Variants in B9D1 observed in about 807,000 individuals in gnomAD.
B9D1 encodes B9 domain-containing protein 1.
Under a neutral mutation model 26.1 loss-of-function variants are expected in B9D1, and 20 were observed. The observed-to-expected ratio is 0.77, with a 90% confidence interval of 0.54 to 1.12. The LOEUF is 1.12. B9D1 is among the 50% of genes most tolerant of loss of function. The probability of loss-of-function intolerance (pLI) is 0.00; values close to 1 mark genes in which losing one functional copy is unlikely to be tolerated. For missense variants in B9D1, 260 were observed against 273.7 expected (o/e 0.95, Z 0.35); for synonymous variants, 105 against 103.1 (o/e 1.02, Z -0.11).
At chr17:19,365,761 C>T (rs1258191288), upstream of B9D1, among the ~76,000 whole-genome samples, 2 of 152,148 alleles carry the variant, frequency 1.3e-5, no homozygotes, top group East Asian at 1.9e-4. The surrounding 1 kb of genome is among the most constrained non-coding windows in gnomAD (Gnocchi z 5.0). Flanking sequence ...CTCTCGGAGC[C>T]TCGGTTTCCT....
upstream of B9D1, among the ~76,000 whole-genome samples, chr17:19,363,382 G>C (rs1205199180): frequency 6.6e-6 from 1 of 152,236 alleles, no homozygotes; most frequent in African/African-American, 2.4e-5. Context: ...AATCTGTCAA[G>C]ATACAGTCTT....
intron 1 of B9D1, among the ~76,000 whole-genome samples, chr17:19,361,316 T>TTCCACAAAACCAGTCCCTGGTGC (rs1211022699): frequency 6.6e-6 from 1 of 152,160 alleles, no homozygotes; most frequent in Non-Finnish European, 1.5e-5. Flanking sequence ...CCACCTGGTT[T>TTCCACAAAACCAGTCCCTGGTGC]TCCACAAAAC....
chr17:19,355,120 GTAGA>G (rs1910155218), intron 3 of B9D1, among the ~76,000 whole-genome samples: 1 of 152,066 alleles, frequency 6.6e-6, no homozygotes, highest in Admixed American at 6.6e-5. Context: ...GGGTTTCACT[GTAGA>G]TATTTTCCTT....
Position 19,362,497 on chromosome 17 carries a change from G to C in B9D1, c.63+10C>G. On this transcript the variant is annotated intron_variant, in intron 1 of 6. Transcript: ENST00000261499. ...GGGGGCGGGCCCCGGCGGGGTCCAC[G>C]GCCGCTCACCTGGGCGCTCTCCACC... 6.4e-7 allele frequency: 1 copy of C among 1,557,060 alleles called. No individual in the cohort carries two copies. Among genetic ancestry groups the C allele is most frequent in the Non-Finnish European group, 8.7e-7 (1 of 1,150,040 alleles).
At chr17:19,373,148 A>C (rs1598104369) in intron 1 of B9D1, among the ~76,000 whole-genome samples, 1 of 152,282 alleles carries the variant, frequency 6.6e-6, no homozygotes, top group Middle Eastern at 3.4e-3. Context: ...GACTGACAAA[A>C]AGGGATGCCC....
chr17:19,344,513 A>G (rs1908464437), intron 5 of B9D1: 1 of 278,766 alleles, frequency 3.6e-6, no homozygotes, highest in Non-Finnish European at 7.5e-6. Flanking sequence ...CCCGCCGCCG[A>G]CACACCCACG....
At chr17:19,353,484 A>C (rs568491764) in intron 3 of B9D1, among the ~76,000 whole-genome samples, 207 of 151,542 alleles carry the variant, frequency 1.4e-3, no homozygotes, top group Non-Finnish European at 2.4e-3. Context: ...TAAAAACACA[A>C]AAAAAATCAG....
downstream of B9D1, among the ~76,000 whole-genome samples, chr17:19,340,033 A>ACCCCC (rs56279237): frequency 5.4e-5 from 6 of 110,570 alleles, no homozygotes; most frequent in East Asian, 1.0e-3. Context: ...CACATGCCCA[A>ACCCCC]CCCCCCCCCC....
chr17:19,349,569 A>G (rs955149929), intron 3 of B9D1, among the ~76,000 whole-genome samples: 6 of 151,696 alleles, frequency 4.0e-5, no homozygotes, highest in African/African-American at 1.5e-4. Flanking sequence ...TTTTGTAGAG[A>G]TGGGGTCTCA....
Position 19,348,501 on chromosome 17 carries a change from G to A in B9D1, c.245-621C>T, listed in dbSNP as rs566873224. ...TGACAGGCTCTGATCCTGCAGCCAC[G>A]ACTGAGGCAAGTTAGCCAACCTCTC... On this transcript the variant is annotated intron_variant, in intron 3 of 6. Transcript: ENST00000261499. 1.3e-3 allele frequency among the ~76,000 whole-genome samples: 198 copies of A among 152,282 alleles called. 1 individual carries two copies. Among genetic ancestry groups the A allele is most frequent in the Non-Finnish European group, 2.1e-3 (145 of 68,030 alleles).
chr17:19,362,298 G>A (rs1260175584), intron 1 of B9D1, among the ~76,000 whole-genome samples: 1 of 152,192 alleles, frequency 6.6e-6, no homozygotes, highest in Non-Finnish European at 1.5e-5. Flanking sequence ...TCAACATCTC[G>A]AGGTCTGCTT....
intron 1 of B9D1, among the ~76,000 whole-genome samples, chr17:19,374,714 CT>C (rs1022055191): frequency 2.7e-5 from 4 of 150,780 alleles, no homozygotes; most frequent in African/African-American, 4.9e-5. Context: ...AAAATGAGTG[CT>C]TTTTTTTTAG....
chr17:19,352,351 C>T (rs1012407223), intron 3 of B9D1, among the ~76,000 whole-genome samples: 2 of 145,982 alleles, frequency 1.4e-5, no homozygotes, highest in Non-Finnish European at 3.0e-5. Context: ...TTACTAATTT[C>T]TTTTTTTTTT....
intron 1 of B9D1, among the ~76,000 whole-genome samples, chr17:19,376,259 G>A (rs1472221619): frequency 6.6e-6 from 1 of 152,134 alleles, no homozygotes; most frequent in African/African-American, 2.4e-5. Context: ...AATAAAATTA[G>A]AAGGCCCTTT....
Position 19,347,225 on chromosome 17 carries a change from T to A in B9D1, c.404+44A>T. On this transcript the variant is annotated intron_variant, in intron 5 of 6. Coordinates refer to ENST00000261499, the MANE Select transcript of B9D1 (RefSeq NM_015681.6). The surrounding 1 kb of genome is among the most constrained non-coding windows in gnomAD (Gnocchi z 4.3). ...AGGGGTAGAATGGGACATCCATTCATCCAGTAGATCAGGAGGGGCTGGGGT... is the reference window on the plus strand; with the variant it reads ...AGGGGTAGAATGGGACATCCATTCAACCAGTAGATCAGGAGGGGCTGGGGT... 1.9e-6 allele frequency: 3 copies of A among 1,614,098 alleles called. 1 individual carries two copies. The East Asian group carries it at 6.7e-5, about 36-fold the overall frequency.
chr17:19,348,062 C>T (rs1909097462), intron 3 of B9D1, among the ~76,000 whole-genome samples, 182 bp from the exon 4 acceptor site: 1 of 152,182 alleles, frequency 6.6e-6, no homozygotes. Context: ...CTTCTGCCCA[C>T]CCTGGTACTT....
intron 1 of B9D1, among the ~76,000 whole-genome samples, chr17:19,367,951 C>T (rs1158095655): frequency 6.6e-6 from 1 of 152,186 alleles, no homozygotes; most frequent in Non-Finnish European, 1.5e-5. Flanking sequence ...TGAGTGAATG[C>T]ATGAGTGGAG....
At chr17:19,364,325 G>A (rs1911459345), upstream of B9D1, 1 of 152,216 alleles carries the variant, frequency 6.6e-6, no homozygotes, top group Admixed American at 6.5e-5. The surrounding 1 kb of genome is among the most constrained non-coding windows in gnomAD (Gnocchi z 4.3). Context: ...GATAGGATGG[G>A]AGGGTGACCA....
chr17:19,343,876 A>G lies in B9D1; in HGVS notation c.405-19T>C, dbSNP rs1053958238. The G allele has an allele frequency of 1.2e-6, 2 of 1,613,558 alleles. No individual in the cohort carries two copies. The highest frequency in any genetic ancestry group is 2.2e-5 in the East Asian group (1 of 44,882). On this transcript the variant is annotated intron_variant, in intron 5 of 6. Transcript: ENST00000261499. The stretch of plus-strand genomic sequence containing the variant: ...GAACCAGCTGGGAACACAGAAGAAC[A>G]CAGGTGAGCAGGGCCCCACCTGGGC...
Sources: gnomAD v4.1 joint callset for allele counts (sites outside exome capture counted in the v4.1 genomes callset) on GRCh38, gnomAD v4.1.1 for gene constraint, Gnocchi (gnomAD v3.1) non-coding constraint, MANE v1.5 for transcripts, NCBI Gene and HGNC (gene_info 2026-07-23, HGNC 2026-07-21) for gene names.